ADAMTSL3: variants seen among roughly 807,000 people sequenced by gnomAD.
ADAMTSL3 encodes the protein ADAMTS like 3.
In ADAMTSL3, 128 loss-of-function variants were observed where a neutral mutation model predicts 201.7. That is an observed-to-expected ratio of 0.63 (90% CI 0.55 to 0.73). ADAMTSL3 has a LOEUF of 0.73. ADAMTSL3 is among the 30% of genes least tolerant of loss of function. The pLI is 0.00. For synonymous variants in ADAMTSL3, 738 were observed against 748.4 expected (o/e 0.99, Z 0.23); for missense variants, 1,990 against 2,119.6 (o/e 0.94, Z 1.20).
At chr15:83,694,892 G>A (rs1296514287) in intron 2 of ADAMTSL3, among the ~76,000 whole-genome samples, 2 of 152,228 alleles carry the variant, frequency 1.3e-5, no homozygotes, top group African/African-American at 4.8e-5. Context: ...ATGTAGAGAA[G>A]TCATACAACT....
intron 3 of ADAMTSL3, among the ~76,000 whole-genome samples, chr15:83,737,506 A>G (rs77327620): frequency 0.098 from 14,899 of 152,172 alleles, 876 homozygotes; most frequent in Admixed American, 0.19. Flanking sequence ...GCCTGCCACC[A>G]CGTATGACAT....
At chr15:83,782,467 A>G (rs1333209835) in intron 4 of ADAMTSL3, among the ~76,000 whole-genome samples, 1 of 151,816 alleles carries the variant, frequency 6.6e-6, no homozygotes, top group East Asian at 1.9e-4. Flanking sequence ...ACAGAGTGAG[A>G]CTCCTCCTCC....
chr15:83,859,148 A>G (rs1005802967), intron 8 of ADAMTSL3, among the ~76,000 whole-genome samples: 2 of 152,254 alleles, frequency 1.3e-5, no homozygotes, highest in Admixed American at 6.5e-5. Flanking sequence ...ACAGGGAGAT[A>G]GAAGTTACAG....
intron 7 of ADAMTSL3, among the ~76,000 whole-genome samples, chr15:83,839,514 T>C (rs2064335539): frequency 6.6e-6 from 1 of 152,182 alleles, no homozygotes; most frequent in Non-Finnish European, 1.5e-5. Context: ...GTTAGGTTAG[T>C]GTTTTAGTAA....
intron 3 of ADAMTSL3, among the ~76,000 whole-genome samples, chr15:83,730,151 T>G (rs1365198): frequency 0.84 from 127,530 of 152,116 alleles, 53,962 homozygotes; most frequent in East Asian, 0.96. Context: ...GAAGTGGAGT[T>G]CTATGTGAGC....
At chr15:83,822,600 G>T (rs1177315511) in intron 6 of ADAMTSL3, among the ~76,000 whole-genome samples, 1 of 150,212 alleles carries the variant, frequency 6.7e-6, no homozygotes, top group Non-Finnish European at 1.5e-5. Flanking sequence ...GACGATGGGC[G>T]GCCGGGCAGA....
chr15:83,883,955 C>T (rs910983780), intron 9 of ADAMTSL3, among the ~76,000 whole-genome samples: 18 of 150,564 alleles, frequency 1.2e-4, no homozygotes, highest in South Asian at 6.3e-4. Flanking sequence ...TGCAATGGTG[C>T]GATCTCAGCT....
At chr15:83,783,863 G>GTGTGTGTC (rs1336090605) in intron 4 of ADAMTSL3, among the ~76,000 whole-genome samples, 1 of 151,726 alleles carries the variant, frequency 6.6e-6, no homozygotes, top group African/African-American at 2.4e-5. Context: ...GTGTGTGTGT[G>GTGTGTGTC]TGTCTCCACA....
chr15:83,714,826 C>CTTTCTTTT (rs1567093121), intron 3 of ADAMTSL3, among the ~76,000 whole-genome samples: 1 of 103,058 alleles, frequency 9.7e-6, no homozygotes, highest in African/African-American at 4.0e-5. Flanking sequence ...TTCTTTCCTT[C>CTTTCTTTT]TCTCTCTCTT....
intron 5 of ADAMTSL3, among the ~76,000 whole-genome samples, chr15:83,809,558 T>C (rs957790516): frequency 6.6e-6 from 1 of 152,224 alleles, no homozygotes; most frequent in Admixed American, 6.5e-5. Context: ...TCACTGGCAG[T>C]GTATCTCCCC....
chr15:83,831,712 G>A (rs375433258), intron 6 of ADAMTSL3, among the ~76,000 whole-genome samples: 1 of 152,092 alleles, frequency 6.6e-6, no homozygotes, highest in Non-Finnish European at 1.5e-5. Context: ...TTCTTCCGTA[G>A]AAATCCTTCC....
chr15:83,957,113 G>A (rs1325196775), intron 19 of ADAMTSL3, among the ~76,000 whole-genome samples: 1 of 152,202 alleles, frequency 6.6e-6, no homozygotes, highest in African/African-American at 2.4e-5. Context: ...TGCATAAGAT[G>A]CAGCTTTGGA....
intron 3 of ADAMTSL3, among the ~76,000 whole-genome samples, chr15:83,727,837 T>C (rs2062203917): frequency 6.6e-6 from 1 of 152,076 alleles, no homozygotes; most frequent in African/African-American, 2.4e-5. Context: ...AAGTGTATTC[T>C]GCAACCATTG....
In ADAMTSL3 at chr15:83,674,746, CATATATACACACATATATACAT is replaced by C. The variant is rs1164238808; in HGVS notation, c.69+18924_69+18945del. Among the ~76,000 whole-genome samples the C allele has an allele frequency of 3.2e-3, 325 of 101,758 alleles. 4 individuals are homozygous for C. Among genetic ancestry groups the C allele is most frequent in the South Asian group, 6.0e-3 (17 of 2,838 alleles). The allele number at this position is 101,758 out of a possible 152,430, so 66.8% of individuals were successfully genotyped here. On this transcript the variant is annotated intron_variant, in intron 2 of 29. Transcript: ENST00000286744. ...ATATACATATATACACACATATATA[CATATATACACACATATATACAT>C]ATATATATATATATATATATAAATC... is the stretch of plus-strand genomic sequence containing the variant.
chr15:83,713,690 T>G (rs2061962918), intron 3 of ADAMTSL3, among the ~76,000 whole-genome samples: 1 of 152,210 alleles, frequency 6.6e-6, no homozygotes, highest in African/African-American at 2.4e-5. Flanking sequence ...CTTCGCCGAT[T>G]CTCTGCAAGC....
chr15:83,948,790 T>C (rs1182570124), intron 19 of ADAMTSL3, among the ~76,000 whole-genome samples: 1 of 152,156 alleles, frequency 6.6e-6, no homozygotes, highest in Non-Finnish European at 1.5e-5. Context: ...CTTTTACTCA[T>C]TTTTATTATG....
At chr15:83,735,770 A>G (rs1307147377) in intron 3 of ADAMTSL3, among the ~76,000 whole-genome samples, 1 of 152,012 alleles carries the variant, frequency 6.6e-6, no homozygotes, top group Non-Finnish European at 1.5e-5. Flanking sequence ...TTGGATATCC[A>G]TTAACTGCTG....
At chr15:83,875,254 A>C (rs979575550) in intron 9 of ADAMTSL3, among the ~76,000 whole-genome samples, 2 of 152,250 alleles carry the variant, frequency 1.3e-5, no homozygotes, top group African/African-American at 4.8e-5. Context: ...AGGAGAATTC[A>C]GCAAAGCTGG....
chr15:83,957,479 G>A (rs1201234406), intron 19 of ADAMTSL3, among the ~76,000 whole-genome samples: 1 of 152,142 alleles, frequency 6.6e-6, no homozygotes, highest in Admixed American at 6.6e-5. Flanking sequence ...GATGGTGATT[G>A]GAATAAAATC....
Sources: gnomAD v4.1 joint callset for allele counts (sites outside exome capture counted in the v4.1 genomes callset) on GRCh38, gnomAD v4.1.1 for gene constraint, MANE v1.5 for transcripts, NCBI Gene and HGNC (gene_info 2026-07-23, HGNC 2026-07-21) for gene names.